The following WDR27 variants were observed in gnomAD, a reference collection of about 807,000 sequenced individuals.
The protein encoded by WDR27 is WD repeat domain 27, also known as WD repeat-containing protein 27.
In WDR27, 100 loss-of-function variants were observed where a neutral mutation model predicts 114.4. The ratio of observed to expected loss-of-function variants is 0.87; its 90% CI spans 0.74 to 1.03. The LOEUF is 1.03. Among genes scored for constraint, WDR27 ranks in the 50% least tolerant of loss-of-function variants. WDR27 has a pLI of 0.00. For synonymous variants in WDR27, 449 were observed against 423.1 expected (o/e 1.06, Z -0.75); for missense variants, 1,129 against 1,092.9 (o/e 1.03, Z -0.47).
intron 23 of WDR27, among the ~76,000 whole-genome samples, chr6:169,593,385 G>A (rs1302251629): frequency 6.6e-6 from 1 of 152,098 alleles, no homozygotes; most frequent in Admixed American, 6.6e-5. Context: ...CATTTGTATA[G>A]AGGCTTTCAT....
At chr6:169,691,009 A>G (rs1585193910) in intron 1 of WDR27, among the ~76,000 whole-genome samples, 1 of 152,254 alleles carries the variant, frequency 6.6e-6, no homozygotes, top group East Asian at 1.9e-4. Flanking sequence ...AGGTCAGGAG[A>G]TCGAGACCAT....
chr6:169,534,325 C>T (rs1238949436), intron 25 of WDR27, among the ~76,000 whole-genome samples: 1 of 152,190 alleles, frequency 6.6e-6, no homozygotes, highest in African/African-American at 2.4e-5. Context: ...TTTCTATTCA[C>T]AGAAAACATT....
the WDR27 span, among the ~76,000 whole-genome samples, chr6:169,439,837 C>T: frequency 6.8e-6 from 1 of 147,256 alleles, no homozygotes; most frequent in Non-Finnish European, 1.5e-5. Flanking sequence ...TAATAGGATG[C>T]AATTATAATC....
intron 1 of WDR27, among the ~76,000 whole-genome samples, chr6:169,696,956 C>T (rs1786242551): frequency 6.6e-6 from 1 of 152,114 alleles, no homozygotes; most frequent in Non-Finnish European, 1.5e-5. Context: ...TATCTCCTGA[C>T]ACCCAACGTC....
intron 25 of WDR27, among the ~76,000 whole-genome samples, chr6:169,563,875 C>A (rs1470885292): frequency 1.3e-5 from 2 of 152,160 alleles, no homozygotes; most frequent in African/African-American, 2.4e-5. Flanking sequence ...ACATCACATC[C>A]GTGACATGAT....
At chr6:169,665,403 T>C (rs1827556631) in intron 7 of WDR27, 83 bp downstream of exon 7, 1 of 1,520,570 alleles carries the variant, frequency 6.6e-7, no homozygotes, top group Non-Finnish European at 8.8e-7. Flanking sequence ...AAATACAAAG[T>C]AGCATGAAGA....
rs374199896 is a variant in WDR27, at chr6:169,654,987, T to C, written c.1403-2979A>G. ...TTAGGTAACCCCCAACACAGCCTCG[T>C]TGTCTCTTACTCGGGTTTTCCCGGG... is the stretch of plus-strand genomic sequence containing the variant. On this transcript the variant is annotated intron_variant, in intron 13 of 25. Transcript: ENST00000448612. Among the ~76,000 whole-genome samples the C allele has an allele frequency of 2.0e-5, 3 of 152,340 alleles. No homozygotes were observed. The East Asian group carries it at 5.8e-4, about 29-fold the overall frequency.
chr6:169,441,182 G>A, the WDR27 span, among the ~76,000 whole-genome samples: 1 of 152,044 alleles, frequency 6.6e-6, no homozygotes, highest in Non-Finnish European at 1.5e-5. Flanking sequence ...GTTTCATTCT[G>A]TTTTTCTTTC....
chr6:169,544,839 T>A (rs1008956131), intron 25 of WDR27, among the ~76,000 whole-genome samples: 1 of 152,242 alleles, frequency 6.6e-6, no homozygotes, highest in Non-Finnish European at 1.5e-5. Flanking sequence ...TACCTAGGTA[T>A]AACTTTTTTG....
intron 25 of WDR27, among the ~76,000 whole-genome samples, chr6:169,480,028 G>A (rs1787740299): frequency 6.6e-6 from 1 of 152,222 alleles, no homozygotes; most frequent in African/African-American, 2.4e-5. Flanking sequence ...CTTGCGGGGA[G>A]GTGTGGAGGG....
chr6:169,652,179 A>C (rs1314761064), intron 13 of WDR27, among the ~76,000 whole-genome samples, 171 bp from the exon 14 acceptor site: 1 of 152,262 alleles, frequency 6.6e-6, no homozygotes, highest in East Asian at 1.9e-4. Flanking sequence ...CATCATCAGC[A>C]AAAGATTAAA....
chr6:169,438,585 G>A, the WDR27 span, among the ~76,000 whole-genome samples: 1 of 152,032 alleles, frequency 6.6e-6, no homozygotes, highest in African/African-American at 2.4e-5. Flanking sequence ...TCAAGGTACT[G>A]GTTTTCTTGT....
chr6:169,681,904 T>A lies in WDR27; in HGVS notation c.189+6913A>T, dbSNP rs765842931. ...GTGCTGAGACCTGCTAGGAGATGCA[T>A]GCTCCTCTGTGCCAACTAGACCTCT... On this transcript the variant is annotated intron_variant, in intron 2 of 25. Transcript: ENST00000448612. Among the ~76,000 whole-genome samples, 192 of 152,182 alleles carry A rather than the reference T, an allele frequency of 1.3e-3. 1 individual carries two copies. The highest frequency in any genetic ancestry group is 8.2e-4 in the Non-Finnish European group (56 of 68,000).
intron 21 of WDR27, among the ~76,000 whole-genome samples, chr6:169,631,354 G>A (rs527450424): frequency 6.6e-6 from 1 of 151,910 alleles, no homozygotes; most frequent in South Asian, 2.1e-4. Flanking sequence ...TATTTCCATG[G>A]TGTTATTCAA....
intron 6 of WDR27, 43 bp downstream of exon 6, chr6:169,667,093 A>T: frequency 6.8e-7 from 1 of 1,472,106 alleles, no homozygotes; most frequent in South Asian, 1.5e-5. Context: ...AAAGTGGGTT[A>T]CACACAACCT....
chr6:169,461,999 C>T (rs1056297303), intron 25 of WDR27, among the ~76,000 whole-genome samples: 2 of 151,990 alleles, frequency 1.3e-5, no homozygotes, highest in African/African-American at 2.4e-5. Flanking sequence ...TAAGAAAGTA[C>T]TATTAACAAT....
At chr6:169,448,399 T>TGG in the WDR27 span, among the ~76,000 whole-genome samples, 5 of 150,498 alleles carry the variant, frequency 3.3e-5, no homozygotes, top group African/African-American at 1.2e-4. Context: ...TCTATGTGTG[T>TGG]GTGTGTGTGT....
At chr6:169,491,144 T>G (rs1789696529) in intron 25 of WDR27, among the ~76,000 whole-genome samples, 1 of 152,176 alleles carries the variant, frequency 6.6e-6, no homozygotes, top group African/African-American at 2.4e-5. Context: ...ACACGGGCAT[T>G]TAAGAGCTTC....
chr6:169,527,707 A>C (rs1456689403), intron 25 of WDR27, among the ~76,000 whole-genome samples: 1 of 152,210 alleles, frequency 6.6e-6, no homozygotes, highest in African/African-American at 2.4e-5. Flanking sequence ...GATTTACTTC[A>C]AAATAATTTT....
Sources: gnomAD v4.1 joint callset for allele counts (sites outside exome capture counted in the v4.1 genomes callset) on GRCh38, gnomAD v4.1.1 for gene constraint, MANE v1.5 for transcripts, NCBI Gene and HGNC (gene_info 2026-07-23, HGNC 2026-07-21) for gene names.